KIFBP: variants seen among roughly 807,000 people sequenced by gnomAD.
The protein encoded by KIFBP is KIF-binding protein.
In KIFBP, 46 loss-of-function variants were observed where a neutral mutation model predicts 58.9. The ratio of observed to expected loss-of-function variants is 0.78; its 90% CI spans 0.62 to 1.00. The LOEUF is 1.00. Ranked by LOEUF, KIFBP falls within the 50% of genes least tolerant of loss-of-function variation. The pLI is 0.00. For synonymous variants in KIFBP, 241 were observed against 283.4 expected, an observed-to-expected ratio of 0.85 and a Z score of 1.50; for missense variants, 651 against 752.9, an observed-to-expected ratio of 0.86 and a Z score of 1.58.
chr10:68,993,864 T>A (rs1027222151), intron 1 of KIFBP, among the ~76,000 whole-genome samples: 1 of 152,206 alleles, frequency 6.6e-6, no homozygotes, highest in Admixed American at 6.5e-5. Context: ...AAAACCTAAG[T>A]AAACTGATTA....
chr10:68,993,359 C>T (rs1309432712), intron 1 of KIFBP, among the ~76,000 whole-genome samples: 1 of 152,148 alleles, frequency 6.6e-6, no homozygotes, highest in African/African-American at 2.4e-5. Flanking sequence ...TTTCTACTGA[C>T]CTTGCTTGGT....
intron 6 of KIFBP, among the ~76,000 whole-genome samples, chr10:69,014,876 T>G (rs1166327037): frequency 6.6e-6 from 1 of 152,156 alleles, no homozygotes; most frequent in Non-Finnish European, 1.5e-5. Flanking sequence ...TTAATCTTAA[T>G]GGCATCCTTG....
At position 69,005,876 on chromosome 10, in the gene KIFBP, T is replaced by A; in HGVS notation, c.750T>A (p.Ala250=). The A allele has an allele frequency of 6.2e-7, 1 of 1,614,158 alleles. No individual in the cohort carries two copies. The highest frequency in any genetic ancestry group is 1.3e-5 in the African/African-American group (1 of 75,062). The change falls in exon 4 of 7, where the codon GCT becomes GCA. Residue 250 remains alanine, a synonymous_variant. Transcript: ENST00000361983. ...EHNAYHPIEW[A]INAATLSQFY... is the part of the protein sequence containing the mutation. Reference sequence around the variant, plus strand: ...ATGCCTACCATCCTATAGAGTGGGCTATCAATGCTGCTACCTTGTCACAGT... The same window carrying A: ...ATGCCTACCATCCTATAGAGTGGGCAATCAATGCTGCTACCTTGTCACAGT...
intron 6 of KIFBP, among the ~76,000 whole-genome samples, chr10:69,012,958 C>A (rs1843610125): frequency 6.6e-6 from 1 of 152,010 alleles, no homozygotes; most frequent in African/African-American, 2.4e-5. Flanking sequence ...TAACAGGAAG[C>A]ATGACTAGGA....
At chr10:68,991,486 C>T (rs1249970373) in intron 1 of KIFBP, 1 of 394,150 alleles carries the variant, frequency 2.5e-6, no homozygotes, top group South Asian at 2.1e-5. Context: ...TCGATGTCTC[C>T]GAACTAAGAA....
chr10:68,990,354 A>G (rs544803527), intron 1 of KIFBP, among the ~76,000 whole-genome samples: 1 of 152,054 alleles, frequency 6.6e-6, no homozygotes, highest in South Asian at 2.1e-4. Context: ...ACAAAGTGAG[A>G]CTCTGTCTCT....
At position 69,010,950 on chromosome 10, in the gene KIFBP, G is replaced by C; in HGVS notation, c.925G>C (p.Glu309Gln). 2 of 1,614,094 alleles carry C rather than the reference G, an allele frequency of 1.2e-6. No homozygotes were observed. The highest frequency in any genetic ancestry group is 1.7e-6 in the Non-Finnish European group (2 of 1,179,990). Residue 309 changes from glutamate to glutamine, a missense_variant, in exon 6 of 7, where the codon GAA becomes CAA. Transcript: ENST00000361983. ...VPELYHQRKGEIARCWIKYCL... is the reference protein window; with the variant it reads ...VPELYHQRKGQIARCWIKYCL... ...AGAGCTTTATCATCAAAGAAAGGGG[G>C]AAATAGCAAGGTGCTGGATCAAATA...
At chr10:69,001,666 C>T (rs550223548) in intron 2 of KIFBP, among the ~76,000 whole-genome samples, 6 of 151,706 alleles carry the variant, frequency 4.0e-5, no homozygotes, top group African/African-American at 7.3e-5. Context: ...GCAGGAGAAT[C>T]GTTTGAACCT....
At chr10:69,008,221 G>C (rs1843553893) in intron 4 of KIFBP, among the ~76,000 whole-genome samples, 1 of 151,044 alleles carries the variant, frequency 6.6e-6, no homozygotes, top group East Asian at 1.9e-4. Context: ...GCCAGGAGTT[G>C]GAGACCTGTT....
chr10:69,008,792 A>G, intron 4 of KIFBP, 49 bp from the exon 5 acceptor site: 1 of 1,385,838 alleles, frequency 7.2e-7, no homozygotes, highest in Non-Finnish European at 1.0e-6. Context: ...ATCAGTTGCA[A>G]ATAAAGCTGT....
At chr10:69,005,675 G>GAA (rs371924027) in intron 3 of KIFBP, 57 bp from the exon 4 acceptor site, 2,587 of 1,134,592 alleles carry the variant, frequency 2.3e-3, no homozygotes, top group Non-Finnish European at 2.7e-3. Flanking sequence ...TCTGTCTCAG[G>GAA]AAAAAAAAAA....
chr10:68,991,905 A>G (rs1284928654), intron 1 of KIFBP, among the ~76,000 whole-genome samples: 1 of 151,644 alleles, frequency 6.6e-6, no homozygotes, highest in Non-Finnish European at 1.5e-5. Flanking sequence ...AAACCAAGTA[A>G]ACTTTTTTTT....
chr10:69,009,892 TACAAATGG>T (rs1000525454), intron 5 of KIFBP, among the ~76,000 whole-genome samples: 32 of 152,166 alleles, frequency 2.1e-4, no homozygotes, highest in African/African-American at 7.5e-4. Flanking sequence ...ATGTCTTCCT[TACAAATGG>T]ACATTCTAAT....
Position 68,988,857 on chromosome 10 carries a change from G to A in KIFBP, c.25G>A (p.Val9Ile). 1 of 1,614,286 alleles carries A rather than the reference G, an allele frequency of 6.2e-7. No individual in the cohort carries two copies. Among genetic ancestry groups the A allele is most frequent in the Middle Eastern group, 1.6e-4 (1 of 6,062 alleles). Residue 9 changes from valine to isoleucine, a missense_variant, in exon 1 of 7, where the codon GTC (valine) becomes ATC (isoleucine). Transcript: ENST00000361983. ...TATGGCGAACGTTCCGTGGGCAGAG[G>A]TCTGCGAGAAATTCCAGGCGGCGCT... The part of the protein sequence containing the change: MANVPWAE[V>I]CEKFQAALAL...
intron 1 of KIFBP, 179 bp downstream of exon 1, chr10:68,989,437 T>C (rs948305296): frequency 1.2e-5 from 8 of 679,516 alleles, no homozygotes; most frequent in African/African-American, 3.6e-5. Flanking sequence ...TATGGACTTA[T>C]TGCCTTGTAA....
chr10:68,989,428 A>G, intron 1 of KIFBP, 170 bp downstream of exon 1: 1 of 722,064 alleles, frequency 1.4e-6, no homozygotes, highest in Non-Finnish European at 2.3e-6. Flanking sequence ...AGCCAGTCTT[A>G]TGGACTTATT....
chr10:68,992,646 A>G (rs1843362605), intron 1 of KIFBP, among the ~76,000 whole-genome samples: 1 of 152,028 alleles, frequency 6.6e-6, no homozygotes, highest in East Asian at 1.9e-4. Flanking sequence ...TGTTTGGGGT[A>G]AGTTTATATT....
chr10:69,010,769 C>T lies in KIFBP; in HGVS notation c.875-131C>T, dbSNP rs1843581654. ...GGGGGGGGATCTTTCTTCCCTTTTC[C>T]CCAAGCCCCCTGCTTCAGTAAAGAT... is the stretch of plus-strand genomic sequence containing the variant. On this transcript the variant is annotated intron_variant, in intron 5 of 6. Coordinates refer to ENST00000361983, the MANE Select transcript of KIFBP (RefSeq NM_015634.4). 5.8e-6 allele frequency: 4 copies of T among 688,766 alleles called. No homozygotes were observed. The East Asian group carries it at 8.2e-5, about 14-fold the overall frequency. 42.7% of individuals were successfully genotyped at this position (688,766 alleles called of 1,614,324 possible).
At chr10:69,009,040 G>T in intron 5 of KIFBP, 115 bp downstream of exon 5, 2 of 764,148 alleles carry the variant, frequency 2.6e-6, no homozygotes, top group Admixed American at 2.1e-5. Flanking sequence ...CCTTCTAAAT[G>T]CACCAATTTT....
Sources: gnomAD v4.1 joint callset for allele counts (sites outside exome capture counted in the v4.1 genomes callset) on GRCh38, gnomAD v4.1.1 for gene constraint, MANE v1.5 for transcripts, NCBI Gene and HGNC (gene_info 2026-07-23, HGNC 2026-07-21) for gene names.